The following KCTD16 variants were observed in gnomAD, a reference collection of about 807,000 sequenced individuals.
KCTD16 encodes the protein potassium channel tetramerization domain containing 16.
A neutral mutation model predicts 33.2 loss-of-function variants in KCTD16; 13 were observed. That is an observed-to-expected ratio of 0.39 (90% CI 0.25 to 0.62). The LOEUF is 0.62. Among genes scored for constraint, KCTD16 ranks in the 20% least tolerant of loss-of-function variants. The pLI is 0.50. For synonymous variants in KCTD16, 197 were observed against 195.3 expected, an observed-to-expected ratio of 1.01 and a Z score of -0.07; for missense variants, 441 against 525.1, an observed-to-expected ratio of 0.84 and a Z score of 1.57.
chr5:144,197,346 C>G (rs929758983), intron 2 of KCTD16, among the ~76,000 whole-genome samples: 8 of 152,120 alleles, frequency 5.3e-5, no homozygotes, highest in Non-Finnish European at 1.0e-4. Flanking sequence ...CTCTGATGCT[C>G]TATTCATAAA....
intron 3 of KCTD16, among the ~76,000 whole-genome samples, chr5:144,352,511 G>C (rs567277123): frequency 2.0e-5 from 3 of 152,286 alleles, no homozygotes; most frequent in South Asian, 2.1e-4. Flanking sequence ...ACTTGGAAAA[G>C]AGTTTCATTC....
chr5:144,351,302 G>A (rs577348813), intron 3 of KCTD16, among the ~76,000 whole-genome samples: 70 of 152,146 alleles, frequency 4.6e-4, no homozygotes, highest in African/African-American at 1.7e-3. Context: ...TTTAAAGCAA[G>A]GACATATGAC....
intron 3 of KCTD16, among the ~76,000 whole-genome samples, chr5:144,229,088 G>A (rs1754020328): frequency 6.6e-6 from 1 of 152,150 alleles, no homozygotes; most frequent in Non-Finnish European, 1.5e-5. Context: ...CCACATGGTT[G>A]TTTATTTTTC....
intron 3 of KCTD16, among the ~76,000 whole-genome samples, chr5:144,466,120 G>C (rs948138134): frequency 6.6e-6 from 1 of 152,080 alleles, no homozygotes; most frequent in African/African-American, 2.4e-5. Flanking sequence ...ATTCAGGTGT[G>C]AGCCAGCCTA....
At chr5:144,441,119 T>A (rs1353767315) in intron 3 of KCTD16, among the ~76,000 whole-genome samples, 3 of 152,104 alleles carry the variant, frequency 2.0e-5, no homozygotes, top group Non-Finnish European at 4.4e-5. Context: ...GTTATCTATG[T>A]TTTTTTATTG....
chr5:144,206,580 C>A lies in KCTD16; in HGVS notation c.-135C>A. ...ATTTTGATTTCTTGGGGGAAAAATA[C>A]TGGGATAAGAGGAGGTCATTTTTTA... On this transcript the variant is annotated 5_prime_UTR_variant, in exon 3 of 4. The change creates a new upstream start codon in the 5' untranslated region. Coordinates refer to ENST00000512467, the MANE Select transcript of KCTD16 (RefSeq NM_020768.4). 1 of 721,190 alleles carries A rather than the reference C, an allele frequency of 1.4e-6. No homozygotes were observed. Among genetic ancestry groups the A allele is most frequent in the Non-Finnish European group, 2.3e-6 (1 of 438,378 alleles). The allele number at this position is 721,190 out of a possible 1,614,324, so 44.7% of individuals were successfully genotyped here. A position where few individuals can be genotyped will look rare whatever the true frequency, so the allele number is the denominator to read the frequency against.
At chr5:144,259,257 CAAAAAAAAAAAAAAA>C (rs1166248798) in intron 3 of KCTD16, among the ~76,000 whole-genome samples, 1 of 48,386 alleles carries the variant, frequency 2.1e-5, no homozygotes. Flanking sequence ...GACTCCATCT[CAAAAAAAAAAAAAAA>C]AAAAAAAAAA....
chr5:144,327,015 T>C (rs900054171), intron 3 of KCTD16, among the ~76,000 whole-genome samples: 1 of 152,156 alleles, frequency 6.6e-6, no homozygotes, highest in Non-Finnish European at 1.5e-5. Flanking sequence ...TAGCATTTGA[T>C]AGAGTGCGGG....
At chr5:144,295,754 A>G (rs1756018301) in intron 3 of KCTD16, among the ~76,000 whole-genome samples, 1 of 152,230 alleles carries the variant, frequency 6.6e-6, no homozygotes, top group Admixed American at 6.5e-5. Context: ...GGCTCAATCT[A>G]GTTACATGAG....
At chr5:144,329,550 G>C (rs905803469) in intron 3 of KCTD16, among the ~76,000 whole-genome samples, 3 of 152,110 alleles carry the variant, frequency 2.0e-5, no homozygotes, top group African/African-American at 7.2e-5. Context: ...TTTATTGGAC[G>C]CTTGGATTTT....
intron 3 of KCTD16, among the ~76,000 whole-genome samples, chr5:144,280,103 T>G (rs901775359): frequency 6.6e-6 from 1 of 152,262 alleles, no homozygotes; most frequent in African/African-American, 2.4e-5. Context: ...TTATGTTTAT[T>G]AAGGTTATTG....
chr5:144,204,789 A>G (rs895900893), intron 2 of KCTD16, among the ~76,000 whole-genome samples: 4 of 151,964 alleles, frequency 2.6e-5, no homozygotes, highest in African/African-American at 9.7e-5. Context: ...ATTCATATTT[A>G]TTTATTTGCT....
At chr5:144,447,486 C>A (rs1240707307) in intron 3 of KCTD16, among the ~76,000 whole-genome samples, 1 of 151,924 alleles carries the variant, frequency 6.6e-6, no homozygotes. Flanking sequence ...CAGGAAACCA[C>A]CATCGCACAT....
chr5:144,412,915 T>C (rs1336690010), intron 3 of KCTD16, among the ~76,000 whole-genome samples: 3 of 152,158 alleles, frequency 2.0e-5, no homozygotes, highest in Non-Finnish European at 4.4e-5. Context: ...TAAGATCTAA[T>C]GTTTGATCTA....
intron 3 of KCTD16, among the ~76,000 whole-genome samples, chr5:144,278,507 T>TC (rs386405182): frequency 6.9e-6 from 1 of 145,716 alleles, no homozygotes; most frequent in Admixed American, 6.8e-5. Flanking sequence ...TTTTTTTTTT[T>TC]TGAGACGGAG....
intron 3 of KCTD16, among the ~76,000 whole-genome samples, chr5:144,249,387 T>C (rs1339283348): frequency 6.6e-6 from 1 of 152,166 alleles, no homozygotes; most frequent in African/African-American, 2.4e-5. Flanking sequence ...AAATGATTCA[T>C]TTATTTATTT....
At chr5:144,351,087 C>G (rs1159638514) in intron 3 of KCTD16, among the ~76,000 whole-genome samples, 2 of 152,146 alleles carry the variant, frequency 1.3e-5, no homozygotes, top group African/African-American at 4.8e-5. Flanking sequence ...TGGTAAATAA[C>G]AGATGAGAAT....
intron 3 of KCTD16, among the ~76,000 whole-genome samples, chr5:144,248,819 G>C (rs1223393295): frequency 6.6e-6 from 1 of 152,184 alleles, no homozygotes; most frequent in Non-Finnish European, 1.5e-5. Flanking sequence ...GGGCAGTAGG[G>C]TTGGAGAGAA....
intron 2 of KCTD16, among the ~76,000 whole-genome samples, chr5:144,184,933 T>A (rs1365279096): frequency 6.6e-6 from 1 of 152,230 alleles, no homozygotes; most frequent in Non-Finnish European, 1.5e-5. Flanking sequence ...ATTTCCCTTG[T>A]TCTTTTTGAT....
Sources: gnomAD v4.1 joint callset for allele counts (sites outside exome capture counted in the v4.1 genomes callset) on GRCh38, gnomAD v4.1.1 for gene constraint, MANE v1.5 for transcripts, NCBI Gene and HGNC (gene_info 2026-07-23, HGNC 2026-07-21) for gene names.